Variants in LMO4 observed in about 807,000 individuals in gnomAD.
LMO4 encodes the protein LIM domain only 4.
LMO4 carries 3 observed loss-of-function variants against 18.5 expected under a neutral mutation model. The ratio of observed to expected loss-of-function variants is 0.16; its 90% CI spans 0.07 to 0.42. The LOEUF (loss-of-function observed/expected upper bound fraction) is 0.42. LMO4 is among the 10% of genes least tolerant of loss of function. The pLI is 0.99. For synonymous variants in LMO4, 100 were observed against 88.1 expected, an observed-to-expected ratio of 1.14 and a Z score of -0.76; for missense variants, 121 against 219.9, an observed-to-expected ratio of 0.55 and a Z score of 2.84.
At position 87,345,414 on chromosome 1, in the gene LMO4, A is replaced by G. The variant is rs1310250651; in HGVS notation, c.*618A>G. ...AAAAAAAAAGAATGAAAAAAAGAAA[A>G]AAATTTGGAAAAAAAAATCAGGCTC... On this transcript the variant is annotated 3_prime_UTR_variant, in exon 5 of 5. Transcript: ENST00000370544. 6.6e-6 allele frequency: 1 copy of G among 151,818 alleles called. No homozygotes were observed. Among genetic ancestry groups the G allele is most frequent in the Non-Finnish European group, 1.5e-5 (1 of 68,030 alleles). 9.4% of individuals were successfully genotyped at this position (151,818 alleles called of 1,614,324 possible). A position where few individuals can be genotyped will look rare whatever the true frequency, so the allele number is the denominator to read the frequency against.
At chr1:87,330,282 T>C (rs1401464421) in intron 1 of LMO4, among the ~76,000 whole-genome samples, 1 of 152,132 alleles carries the variant, frequency 6.6e-6, no homozygotes, top group African/African-American at 2.4e-5. Flanking sequence ...ACTCTCCTTT[T>C]AAAAAGGAAT....
At chr1:87,330,210 T>A (rs1341584328) in intron 1 of LMO4, among the ~76,000 whole-genome samples, 2 of 150,462 alleles carry the variant, frequency 1.3e-5, no homozygotes, top group Admixed American at 6.6e-5. Flanking sequence ...AAAAAAAAAA[T>A]ACATATATAT....
intron 1 of LMO4, among the ~76,000 whole-genome samples, chr1:87,330,037 A>C (rs1334405200): frequency 6.7e-6 from 1 of 150,116 alleles, no homozygotes; most frequent in Non-Finnish European, 1.5e-5. Context: ...CTCTAAATGA[A>C]ACTTGATGAG....
rs1468409084 is a variant in LMO4, at chr1:87,347,536, C to T, written c.*2740C>T. The T allele has an allele frequency of 6.6e-6, 1 of 152,120 alleles. No individual in the cohort carries two copies. The highest frequency in any genetic ancestry group is 1.5e-5 in the Non-Finnish European group (1 of 68,010). The allele number at this position is 152,120 out of a possible 1,614,324, so 9.4% of individuals were successfully genotyped here. On this transcript the variant is annotated 3_prime_UTR_variant, in exon 5 of 5. Transcript: ENST00000370544. ...ATGTTATTAGTTAGCAAGATGGACA[C>T]TGTTCTTTAGAAAGGACTTATTTAA...
In LMO4 at chr1:87,345,382, G is replaced by A. The variant is rs45576432; in HGVS notation, c.*586G>A. The A allele has an allele frequency of 0.071, 10,211 of 143,522 alleles. 478 individuals are homozygous for A. The highest frequency in any genetic ancestry group is 0.1 in the Non-Finnish European group (6,753 of 66,900). The allele number at this position is 143,522 out of a possible 1,614,324, so 8.9% of individuals were successfully genotyped here. ...TTGTCCTAATGTTGCTACTCCCATG[G>A]CAAAGAAAAAAAAAAGAATGAAAAA... On this transcript the variant is annotated 3_prime_UTR_variant, in exon 5 of 5. Transcript: ENST00000370544.
At chr1:87,332,982 C>G (rs1570649487) in intron 2 of LMO4, among the ~76,000 whole-genome samples, 2 of 151,932 alleles carry the variant, frequency 1.3e-5, no homozygotes, top group Admixed American at 1.3e-4. Flanking sequence ...TTTTTGTTGT[C>G]GTTTGTATCA....
In LMO4 at chr1:87,345,660, C is replaced by G. The variant is rs1426780543; in HGVS notation, c.*864C>G. On this transcript the variant is annotated 3_prime_UTR_variant, in exon 5 of 5. Transcript: ENST00000370544. Reference sequence around the variant, plus strand: ...TTTAGTTTTTATTGTTGTTGAATAACAAGCTCACTTTAAATTTGAAGGAGT... The same window carrying G: ...TTTAGTTTTTATTGTTGTTGAATAAGAAGCTCACTTTAAATTTGAAGGAGT... 1 of 152,168 alleles carries G rather than the reference C, an allele frequency of 6.6e-6. No homozygotes were observed. The highest frequency in any genetic ancestry group is 6.5e-5 in the Admixed American group (1 of 15,278). The allele number at this position is 152,168 out of a possible 1,614,324, so 9.4% of individuals were successfully genotyped here. A position where few individuals can be genotyped will look rare whatever the true frequency, so the allele number is the denominator to read the frequency against.
intron 1 of LMO4, among the ~76,000 whole-genome samples, chr1:87,329,493 G>T (rs942597473): frequency 1.3e-5 from 2 of 152,068 alleles, no homozygotes; most frequent in African/African-American, 4.8e-5. Context: ...TCTTGGAAAC[G>T]GGGCTGGTGG....
At chr1:87,330,029 C>CCA (rs1557612050) in intron 1 of LMO4, among the ~76,000 whole-genome samples, 6 of 134,948 alleles carry the variant, frequency 4.4e-5, no homozygotes, top group African/African-American at 1.7e-4. Flanking sequence ...TTTTCCAACT[C>CCA]TAAATGAAAC....
Position 87,338,193 on chromosome 1 carries a change from A to G in LMO4, c.237-1343A>G, listed in dbSNP as rs767923131. Among the ~76,000 whole-genome samples the G allele has an allele frequency of 1.3e-5, 2 of 152,332 alleles. 1 individual carries two copies. Among genetic ancestry groups the G allele is most frequent in the South Asian group, 4.1e-4 (2 of 4,822 alleles). On this transcript the variant is annotated intron_variant, in intron 2 of 4. Transcript: ENST00000370544. Reference sequence around the variant, plus strand: ...TTTGAACATGACAAGCCTCTTCTGCAAGACCAGATTCTGAAAACTCAAAGC... The same window carrying G: ...TTTGAACATGACAAGCCTCTTCTGCGAGACCAGATTCTGAAAACTCAAAGC...
chr1:87,334,296 G>T (rs901888807), intron 2 of LMO4, among the ~76,000 whole-genome samples: 1 of 152,186 alleles, frequency 6.6e-6, no homozygotes, highest in African/African-American at 2.4e-5. Context: ...TTCTAGCTCA[G>T]TACGAAATTG....
rs554992698 is a variant in LMO4 at position 87,331,070 on chromosome 1, C to A, written c.-3-943C>A. The stretch of plus-strand genomic sequence containing the variant: ...TTATCTGTAACGCCGCCCGCCCCCC[C>A]CCCCCCCCCGCCCTTTGGAGGAACA... On this transcript the variant is annotated intron_variant, in intron 1 of 4. Transcript: ENST00000370544. Among the ~76,000 whole-genome samples the A allele has an allele frequency of 2.3e-3, 70 of 30,252 alleles. 8 individuals carry two copies. Among genetic ancestry groups the A allele is most frequent in the African/African-American group, 5.5e-3 (67 of 12,216 alleles). The allele number at this position is 30,252 out of a possible 152,430, so 19.8% of individuals were successfully genotyped here. A position where few individuals can be genotyped will look rare whatever the true frequency, so the allele number is the denominator to read the frequency against.
chr1:87,342,748 A>ATT (rs895751484), intron 4 of LMO4, among the ~76,000 whole-genome samples: 1 of 152,108 alleles, frequency 6.6e-6, no homozygotes, highest in Non-Finnish European at 1.5e-5. Context: ...TTATAAATAA[A>ATT]GGTTTTGGGC....
chr1:87,341,627 A>G (rs904096979), intron 4 of LMO4, among the ~76,000 whole-genome samples: 2 of 152,158 alleles, frequency 1.3e-5, no homozygotes, highest in Admixed American at 6.5e-5. Flanking sequence ...TTTGATGCTT[A>G]TATTTGCCCT....
At chr1:87,334,188 T>TA (rs1650233073) in intron 2 of LMO4, among the ~76,000 whole-genome samples, 1 of 152,176 alleles carries the variant, frequency 6.6e-6, no homozygotes, top group South Asian at 2.1e-4. Context: ...TCTACGTTCT[T>TA]ACTTCCTTTT....
chr1:87,333,482 T>G (rs548329521), intron 2 of LMO4, among the ~76,000 whole-genome samples: 2 of 152,354 alleles, frequency 1.3e-5, no homozygotes, highest in South Asian at 2.1e-4. Flanking sequence ...TTAGCTCCAT[T>G]GTGATTCGCC....
intron 1 of LMO4, 167 bp from the exon 2 acceptor site, chr1:87,331,843 TCCC>T: frequency 8.6e-6 from 5 of 578,322 alleles, no homozygotes; most frequent in Admixed American, 6.3e-5. Context: ...CCGGCGAGCC[TCCC>T]TTCTTCCCTC....
chr1:87,339,510 G>A (rs774227530), intron 2 of LMO4, 26 bp from the exon 3 acceptor site: 1 of 1,534,602 alleles, frequency 6.5e-7, no homozygotes, highest in Admixed American at 1.7e-5. Flanking sequence ...TTATTCACTG[G>A]TGTCAACCGT....
chr1:87,335,065 A>AGGGGGG (rs1650264994), intron 2 of LMO4, among the ~76,000 whole-genome samples: 1 of 128,216 alleles, frequency 7.8e-6, no homozygotes, highest in Non-Finnish European at 1.7e-5. Flanking sequence ...GCGGAGGGGG[A>AGGGGGG]GGGTGGATCT....
Sources: allele counts gnomAD v4.1 joint callset (sites outside exome capture counted in the v4.1 genomes callset), GRCh38; gene constraint gnomAD v4.1.1; transcripts MANE v1.5; gene names NCBI Gene and HGNC (gene_info 2026-07-23, HGNC 2026-07-21).